The following CENPT variants were observed in gnomAD, a reference collection of about 807,000 sequenced individuals.
The protein encoded by CENPT is centromere protein T.
CENPT carries 42 observed loss-of-function variants against 59.7 expected under a neutral mutation model. The ratio of observed to expected loss-of-function variants is 0.70; its 90% CI spans 0.55 to 0.91. The LOEUF is 0.91. Ranked by LOEUF, CENPT falls within the 40% of genes least tolerant of loss-of-function variation. The probability of loss-of-function intolerance (pLI) is 0.00; values close to 1 mark genes in which losing one functional copy is unlikely to be tolerated. For missense variants in CENPT, 716 were observed against 713.4 expected (o/e 1.00, Z -0.04); for synonymous variants, 295 against 289.6 (o/e 1.02, Z -0.19).
At chr16:67,831,123 G>A (rs745448104) in intron 10 of CENPT, 93 bp downstream of exon 10, 20 of 1,561,444 alleles carry the variant, frequency 1.3e-5, no homozygotes, top group East Asian at 4.5e-5. Flanking sequence ...TGACCCCACC[G>A]AGAGGGGTGC....
At position 67,842,518 on chromosome 16, in the gene CENPT, G is replaced by GAGGCCGGT. The variant is rs1567373960; in HGVS notation, c.-492+4875_-492+4882dup. On this transcript the variant is annotated intron_variant, in intron 1 of 15. Coordinates refer to ENST00000562787, the MANE Select transcript of CENPT (RefSeq NM_025082.4). This position sits in a 1 kb window ranked among gnomAD's most constrained non-coding sequence, Gnocchi z 4.9. ...GCCACTGGGCCGTCGAAGAGCGCAG[G>GAGGCCGGT]AGGCCGGTGGGCCGGGCCGGGCCGC... is the stretch of plus-strand genomic sequence containing the variant. 1 of 1,466,640 alleles carries GAGGCCGGT rather than the reference G, an allele frequency of 6.8e-7. No individual in the cohort carries two copies. Among genetic ancestry groups the GAGGCCGGT allele is most frequent in the South Asian group, 1.4e-5 (1 of 72,956 alleles). 90.9% of individuals were successfully genotyped at this position (1,466,640 alleles called of 1,614,324 possible).
At chr16:67,829,347 G>GA in intron 13 of CENPT, 76 bp downstream of exon 13, 1 of 1,183,780 alleles carries the variant, frequency 8.4e-7, no homozygotes, top group Non-Finnish European at 1.2e-6. Context: ...TAGGAAGGGG[G>GA]AGGACCCTAT....
chr16:67,829,767 G>C lies in CENPT; in HGVS notation c.1184C>G (p.Ala395Gly), dbSNP rs755254401. 6.2e-7 allele frequency: 1 copy of C among 1,613,726 alleles called. No individual in the cohort carries two copies. The highest frequency in any genetic ancestry group is 8.5e-7 in the Non-Finnish European group (1 of 1,179,732). Residue 395 changes from alanine (A) to glycine (G), a missense_variant and splice_region_variant, in exon 12 of 16, where the codon GCA (alanine) becomes GGA (glycine). Coordinates refer to ENST00000562787, the MANE Select transcript of CENPT (RefSeq NM_025082.4). ...SSGDEDASGR[A>G]ASPESASSTP... ...ACTCCCTGCACTGGGCCTCTTACCT[G>C]CCCTGCCAGAGGCATCCTCATCCCC...
chr16:67,840,544 C>T (rs2057754414), intron 1 of CENPT, among the ~76,000 whole-genome samples: 2 of 150,148 alleles, frequency 1.3e-5, no homozygotes, highest in African/African-American at 4.9e-5. Flanking sequence ...ATGATGAGAA[C>T]TCATGAACAC....
rs371558630 is a variant in CENPT, at chr16:67,833,829, T to C, written c.31A>G (p.Thr11Ala). MADHNPDSDS[T>A]PRTLLRRVLD... ...ACGCGTCGCAGCAGCGTGCGCGGCGTGGAGTCGCTGTCAGGGTTGTGGTCA... is the reference window on the plus strand; with the variant it reads ...ACGCGTCGCAGCAGCGTGCGCGGCGCGGAGTCGCTGTCAGGGTTGTGGTCA... Residue 11 changes from threonine (T) to alanine (A), a missense_variant, in exon 4 of 16, where the codon ACG (threonine) becomes GCG (alanine). Physicochemically the swap from Thr to Ala is moderately conservative, Grantham distance 58 (BLOSUM62 0). Coordinates refer to ENST00000562787, the MANE Select transcript of CENPT (RefSeq NM_025082.4). 1.9e-6 allele frequency: 3 copies of C among 1,572,340 alleles called. No homozygotes were observed. Among genetic ancestry groups the C allele is most frequent in the East Asian group, 5.0e-5 (2 of 40,068 alleles).
chr16:67,842,531 C>T lies in CENPT; in HGVS notation c.-492+4870G>A. ...CGAAGAGCGCAGGAGGCCGGTGGGC[C>T]GGGCCGGGCCGCGCGGCGCAGCCAT... On this transcript the variant is annotated intron_variant, in intron 1 of 15. Coordinates refer to ENST00000562787, the MANE Select transcript of CENPT (RefSeq NM_025082.4). This position sits in a 1 kb window ranked among gnomAD's most constrained non-coding sequence, Gnocchi z 4.9. The T allele has an allele frequency of 2.7e-6, 4 of 1,483,086 alleles. No homozygotes were observed. The highest frequency in any genetic ancestry group is 2.5e-5 in the East Asian group (1 of 40,084). 91.9% of individuals were successfully genotyped at this position (1,483,086 alleles called of 1,614,324 possible).
Position 67,834,049 on chromosome 16 carries a change from GGGTAAACCTC to G in CENPT, c.-200_-191del. The G allele has an allele frequency of 2.1e-6, 1 of 487,126 alleles. No individual in the cohort carries two copies. Among genetic ancestry groups the G allele is most frequent in the East Asian group, 3.5e-5 (1 of 28,322 alleles). 30.2% of individuals were successfully genotyped at this position (487,126 alleles called of 1,614,324 possible). On this transcript the variant is annotated 5_prime_UTR_variant, in exon 4 of 16. Coordinates refer to ENST00000562787, the MANE Select transcript of CENPT (RefSeq NM_025082.4). ...GATGCTTTGGAGGCAGCCTCGCTGC[GGGTAAACCTC>G]GGTTAATGTAATGCAAGCAGCCCAA...
At chr16:67,829,639 C>A in intron 12 of CENPT, 123 bp from the exon 13 acceptor site, 1 of 1,299,412 alleles carries the variant, frequency 7.7e-7, no homozygotes. Context: ...CAAGCAGGTG[C>A]CCCTCAGTGT....
rs2057778585 is a variant in CENPT, at chr16:67,843,436, A to G, written c.-492+3965T>C. ...GTCTCACTGAGGCCAAGCTGCGCGA[A>G]GAACTGCGTGAGAAGGATCGGCTGC... On this transcript the variant is annotated intron_variant, in intron 1 of 15. Transcript: ENST00000562787. This position sits in a 1 kb window ranked among gnomAD's most constrained non-coding sequence, Gnocchi z 5.7. 1 of 1,613,958 alleles carries G rather than the reference A, an allele frequency of 6.2e-7. No homozygotes were observed. The highest frequency in any genetic ancestry group is 8.5e-7 in the Non-Finnish European group (1 of 1,180,030).
intron 1 of CENPT, among the ~76,000 whole-genome samples, chr16:67,844,967 T>G (rs1463943623): frequency 2.0e-5 from 3 of 152,018 alleles, no homozygotes; most frequent in Non-Finnish European, 4.4e-5. Context: ...TTTTGTATTT[T>G]CAGTAGAGAC....
intron 1 of CENPT, among the ~76,000 whole-genome samples, chr16:67,844,790 T>A (rs557988273): frequency 1.2e-4 from 18 of 152,094 alleles, no homozygotes; most frequent in East Asian, 1.2e-3. Context: ...CTATTTTTTT[T>A]TTTTTATTTT....
rs535664277 is a variant in CENPT, at chr16:67,832,230, G to A, written c.287C>T (p.Thr96Ile). 74 of 1,614,110 alleles carry A rather than the reference G, an allele frequency of 4.6e-5. 1 individual carries two copies. The highest frequency in any genetic ancestry group is 4.2e-4 in the Admixed American group (25 of 60,028). ...CCGGCAGGCCAGCGCTCACTTACCAGTTAGTAGGATGTTCTTCAGCAGCGT... is the reference window on the plus strand; with the variant it reads ...CCGGCAGGCCAGCGCTCACTTACCAATTAGTAGGATGTTCTTCAGCAGCGT... ...PRTLLKNILL[T>I]APESSILMPE... Residue 96 changes from threonine (T) to isoleucine (I), a missense_variant and splice_region_variant, in exon 6 of 16, where the codon ACT (threonine) becomes ATT (isoleucine). By Grantham distance (89) the Thr-to-Ile change is moderately conservative (BLOSUM62 -1). Coordinates refer to ENST00000562787, the MANE Select transcript of CENPT (RefSeq NM_025082.4).
intron 13 of CENPT, chr16:67,829,076 T>C: frequency 1.9e-6 from 1 of 540,286 alleles, no homozygotes; most frequent in South Asian, 2.7e-5. Context: ...TTCAGACTTA[T>C]TATCTATATT....
intron 1 of CENPT, 48 bp from the exon 2 acceptor site, chr16:67,835,706 A>G (rs948405130): frequency 6.6e-6 from 1 of 152,154 alleles, no homozygotes; most frequent in African/African-American, 2.4e-5. Flanking sequence ...GCTTCTCAAA[A>G]TAAGAGAACT....
At chr16:67,838,569 C>T (rs899251293) in intron 1 of CENPT, among the ~76,000 whole-genome samples, 10 of 151,038 alleles carry the variant, frequency 6.6e-5, no homozygotes, top group Non-Finnish European at 1.5e-4. Flanking sequence ...TTGCTGTGAG[C>T]CGAGATCGTG....
rs1432693089 is a variant in CENPT at position 67,843,508 on chromosome 16, C to T, written c.-492+3893G>A. The T allele has an allele frequency of 1.9e-6, 3 of 1,598,390 alleles. No individual in the cohort carries two copies. In the Admixed American group the frequency reaches 5.1e-5, roughly 27 times the overall value. ...AGAAGCACGGAATGTGAACTGGTGC[C>T]CCGGCAGCCTGCTGGACTCCCAGAC... On this transcript the variant is annotated intron_variant, in intron 1 of 15. Transcript: ENST00000562787. The surrounding 1 kb of genome is among the most constrained non-coding windows in gnomAD (Gnocchi z 5.7).
chr16:67,836,464 T>C (rs1257927227), intron 1 of CENPT, among the ~76,000 whole-genome samples: 1 of 148,196 alleles, frequency 6.7e-6, no homozygotes, highest in Non-Finnish European at 1.5e-5. Context: ...TGAGATGGAG[T>C]CTCGCTTTGT....
At chr16:67,833,704 C>T in intron 4 of CENPT, 46 bp downstream of exon 4, 1 of 1,234,624 alleles carries the variant, frequency 8.1e-7, no homozygotes. Flanking sequence ...ACCCCACTCC[C>T]CGGTCCCTCT....
At chr16:67,830,790 A>G (rs1012679384) in intron 10 of CENPT, 1 of 554,898 alleles carries the variant, frequency 1.8e-6, no homozygotes. Context: ...CCAGGCCCCT[A>G]TAGCTGCCCG....
Sources: allele counts gnomAD v4.1 joint callset (sites outside exome capture counted in the v4.1 genomes callset), GRCh38; gene constraint gnomAD v4.1.1; non-coding constraint Gnocchi (gnomAD v3.1); transcripts MANE v1.5; gene names NCBI Gene and HGNC (gene_info 2026-07-23, HGNC 2026-07-21).